FRS2: variants seen among roughly 807,000 people sequenced by gnomAD.
FRS2 encodes the protein fibroblast growth factor receptor substrate 2.
Under a neutral mutation model 43.9 loss-of-function variants are expected in FRS2, and 8 were observed. The observed-to-expected ratio is 0.18, with a 90% CI of 0.11 to 0.33. FRS2 has a LOEUF of 0.33. FRS2 is among the 10% of genes least tolerant of loss of function. FRS2 has a pLI of 1.00. For missense variants in FRS2, 534 were observed against 627.6 expected (o/e 0.85, Z 1.59); for synonymous variants, 219 against 220.3 (o/e 0.99, Z 0.05).
intron 1 of FRS2, among the ~76,000 whole-genome samples, chr12:69,497,916 T>C (rs1873055550): frequency 6.6e-6 from 1 of 152,208 alleles, no homozygotes; most frequent in Non-Finnish European, 1.5e-5. Context: ...GTTCCACTAG[T>C]AGATGTTTCA....
At chr12:69,553,455 A>G (rs898203498) in intron 3 of FRS2, among the ~76,000 whole-genome samples, 8 of 152,144 alleles carry the variant, frequency 5.3e-5, no homozygotes, top group African/African-American at 1.9e-4. Flanking sequence ...TCAAAATGTA[A>G]TCTGATTCCA....
intron 1 of FRS2, among the ~76,000 whole-genome samples, chr12:69,483,433 T>A (rs532417799): frequency 6.6e-6 from 1 of 152,200 alleles, no homozygotes; most frequent in South Asian, 2.1e-4. Context: ...TCTTTGGAGA[T>A]TGATGTTTTA....
At chr12:69,557,042 A>T (rs1879415869) in intron 3 of FRS2, among the ~76,000 whole-genome samples, 1 of 152,234 alleles carries the variant, frequency 6.6e-6, no homozygotes, top group Non-Finnish European at 1.5e-5. Flanking sequence ...TTTGGGAAAT[A>T]ACAATTCCTT....
In FRS2 at chr12:69,577,382, T is replaced by A. The variant is rs2135832737; in HGVS notation, c.*2427T>A. The A allele has an allele frequency of 6.6e-6, 1 of 152,270 alleles. No homozygotes were observed. The highest frequency in any genetic ancestry group is 1.9e-4 in the East Asian group (1 of 5,180). 9.4% of individuals were successfully genotyped at this position (152,270 alleles called of 1,614,324 possible). A position where few individuals can be genotyped will look rare whatever the true frequency, so the allele number is the denominator to read the frequency against. ...TTAGAATACTACTTGTCCTTTGCAG[T>A]AGTTTAGTAATGGGCATTAAGCTGT... On this transcript the variant is annotated 3_prime_UTR_variant, in exon 9 of 9. Transcript: ENST00000549921.
intron 4 of FRS2, among the ~76,000 whole-genome samples, chr12:69,566,569 A>G (rs910993340): frequency 2.6e-5 from 4 of 152,016 alleles, no homozygotes; most frequent in Non-Finnish European, 5.9e-5. Flanking sequence ...ATCACGCCAT[A>G]GCACTCCAGC....
chr12:69,508,905 G>T (rs527747), intron 1 of FRS2, among the ~76,000 whole-genome samples: 14,188 of 152,112 alleles, frequency 0.093, 871 homozygotes, highest in Non-Finnish European at 0.14. Context: ...TCTTTATAGG[G>T]TATCAGATTT....
chr12:69,562,673 T>A (rs1879968669), intron 4 of FRS2, among the ~76,000 whole-genome samples: 1 of 152,142 alleles, frequency 6.6e-6, no homozygotes, highest in African/African-American at 2.4e-5. Context: ...TTTGTATTTT[T>A]AATTTAATTT....
At chr12:69,509,541 G>C (rs897893300) in intron 1 of FRS2, among the ~76,000 whole-genome samples, 1 of 152,104 alleles carries the variant, frequency 6.6e-6, no homozygotes, top group African/African-American at 2.4e-5. Context: ...TTCATCTCCA[G>C]AACTTTTTCA....
intron 3 of FRS2, among the ~76,000 whole-genome samples, chr12:69,560,622 T>C (rs1879799909): frequency 6.6e-6 from 1 of 152,152 alleles, no homozygotes; most frequent in African/African-American, 2.4e-5. Context: ...GAAATAATGG[T>C]AGTATGTACC....
At chr12:69,531,444 A>T (rs923247757) in intron 2 of FRS2, among the ~76,000 whole-genome samples, 1 of 152,236 alleles carries the variant, frequency 6.6e-6, no homozygotes, top group Non-Finnish European at 1.5e-5. Flanking sequence ...TGTATCTTAC[A>T]GCATAATTTT....
chr12:69,545,775 A>C (rs1247141733), intron 3 of FRS2, among the ~76,000 whole-genome samples: 2 of 139,150 alleles, frequency 1.4e-5, no homozygotes, highest in Admixed American at 7.3e-5. Flanking sequence ...AAAAAAAAAA[A>C]AAACAAAAAC....
At chr12:69,562,941 C>T (rs991312721) in intron 4 of FRS2, among the ~76,000 whole-genome samples, 12 of 152,084 alleles carry the variant, frequency 7.9e-5, no homozygotes, top group African/African-American at 2.7e-4. Flanking sequence ...AGTCCTCCCA[C>T]GACAGCCTCC....
intron 1 of FRS2, among the ~76,000 whole-genome samples, chr12:69,494,583 G>GTCCTATGC (rs1199048231): frequency 1.3e-5 from 2 of 152,168 alleles, no homozygotes; most frequent in Non-Finnish European, 2.9e-5. Flanking sequence ...GTGGGAGACT[G>GTCCTATGC]TCCTATGCAT....
chr12:69,503,295 G>A (rs1214681567), intron 1 of FRS2, among the ~76,000 whole-genome samples: 1 of 152,082 alleles, frequency 6.6e-6, no homozygotes, highest in African/African-American at 2.4e-5. Flanking sequence ...ATCTCTCACC[G>A]ACCAGTCTCT....
At position 69,556,020 on chromosome 12, in the gene FRS2, C is replaced by CTT. The variant is rs1565771617; in HGVS notation, c.-121-6160_-121-6159insTT. On this transcript the variant is annotated intron_variant, in intron 3 of 8. Coordinates refer to ENST00000549921, the MANE Select transcript of FRS2 (RefSeq NM_001278356.2). ...AGTGTGTGTGTGGCGGGGGGGGGGG[C>CTT]GGTGTACACATGGTATACACATTTC... Among the ~76,000 whole-genome samples the CTT allele has an allele frequency of 2.1e-3, 254 of 119,880 alleles. 2 individuals are homozygous for CTT. The highest frequency in any genetic ancestry group is 7.3e-3 in the African/African-American group (240 of 33,078). 78.6% of individuals were successfully genotyped at this position (119,880 alleles called of 152,430 possible).
chr12:69,548,437 A>G (rs899052727), intron 3 of FRS2, among the ~76,000 whole-genome samples: 3 of 152,232 alleles, frequency 2.0e-5, no homozygotes, highest in African/African-American at 7.2e-5. Flanking sequence ...TCTTAATGAA[A>G]TGTGTAAGTA....
chr12:69,578,384 A>C lies in FRS2; in HGVS notation c.*3429A>C, dbSNP rs1186453490. ...CATTGGTACGAAATTACAGAATGTA[A>C]AGAAAATGTTTTTGGCTTGAAAAAT... On this transcript the variant is annotated 3_prime_UTR_variant, in exon 9 of 9. Transcript: ENST00000549921. 2 of 152,640 alleles carry C rather than the reference A, an allele frequency of 1.3e-5. No individual in the cohort carries two copies. The highest frequency in any genetic ancestry group is 3.8e-4 in the East Asian group (2 of 5,204). The allele number at this position is 152,640 out of a possible 1,614,324, so 9.5% of individuals were successfully genotyped here. A position where few individuals can be genotyped will look rare whatever the true frequency, so the allele number is the denominator to read the frequency against.
chr12:69,552,006 T>G (rs1878913933), intron 3 of FRS2, among the ~76,000 whole-genome samples: 1 of 152,026 alleles, frequency 6.6e-6, no homozygotes, highest in South Asian at 2.1e-4. Flanking sequence ...AATATCAGTC[T>G]TAAAATCAGT....
chr12:69,539,636 T>A lies in FRS2; in HGVS notation c.-122+7580T>A, dbSNP rs141132792. On this transcript the variant is annotated intron_variant, in intron 3 of 8. Coordinates refer to ENST00000549921, the MANE Select transcript of FRS2 (RefSeq NM_001278356.2). ...TAGGGATGCTGAATCTGTACCCTTC[T>A]CCTTTAAAAAGGACCAGGGTTCCTT... 3.5e-3 allele frequency among the ~76,000 whole-genome samples: 527 copies of A among 152,168 alleles called. 2 individuals are homozygous for A. The highest frequency in any genetic ancestry group is 5.5e-3 in the Non-Finnish European group (374 of 68,002).
Sources: allele counts gnomAD v4.1 joint callset (sites outside exome capture counted in the v4.1 genomes callset), GRCh38; gene constraint gnomAD v4.1.1; transcripts MANE v1.5; gene names NCBI Gene and HGNC (gene_info 2026-07-23, HGNC 2026-07-21).